RBBP8: variants seen among roughly 807,000 people sequenced by gnomAD.
The protein encoded by RBBP8 is DNA endonuclease RBBP8.
In RBBP8, 88 loss-of-function variants were observed where a neutral mutation model predicts 108.3. The observed-to-expected ratio is 0.81, with a 90% CI of 0.68 to 0.97. The LOEUF (loss-of-function observed/expected upper bound fraction) is 0.97, where lower values mean the gene tolerates loss of function less well. RBBP8 is among the 50% of genes least tolerant of loss of function. The pLI is 0.00. For synonymous variants in RBBP8, 332 were observed against 348.2 expected, an observed-to-expected ratio of 0.95 and a Z score of 0.52; for missense variants, 1,023 against 1,049.0, an observed-to-expected ratio of 0.98 and a Z score of 0.34.
At chr18:22,929,297 A>AT (rs1185613610), upstream of RBBP8, 5 of 152,168 alleles carry the variant, frequency 3.3e-5, no homozygotes, top group African/African-American at 1.2e-4. Flanking sequence ...TTTCTGATAG[A>AT]TTTTAAAGAA....
intron 16 of RBBP8, among the ~76,000 whole-genome samples, chr18:23,011,776 C>T (rs1338887671): frequency 1.3e-5 from 2 of 152,032 alleles, no homozygotes; most frequent in Admixed American, 6.6e-5. Context: ...TCATCATGAA[C>T]GATGCCCGTG....
intron 9 of RBBP8, among the ~76,000 whole-genome samples, chr18:22,989,585 C>G (rs1163959208): frequency 6.6e-6 from 1 of 150,454 alleles, no homozygotes; most frequent in Non-Finnish European, 1.5e-5. Context: ...CTTCCCTTCC[C>G]CCTCTCTCAT....
At chr18:22,918,420 T>G (rs538208136) in intron 3 of RBBP8, among the ~76,000 whole-genome samples, 91 of 152,346 alleles carry the variant, frequency 6.0e-4, no homozygotes, top group African/African-American at 2.2e-3. Context: ...GCTACTGTAC[T>G]GAATACTGTA....
At chr18:22,932,609 A>C (rs1345896299), upstream of RBBP8, among the ~76,000 whole-genome samples, 2 of 152,222 alleles carry the variant, frequency 1.3e-5, no homozygotes, top group Non-Finnish European at 2.9e-5. Context: ...ACACAAAAGT[A>C]CTGGACTGGT....
At chr18:22,974,842 A>T (rs546084607) in intron 5 of RBBP8, among the ~76,000 whole-genome samples, 3 of 152,186 alleles carry the variant, frequency 2.0e-5, no homozygotes, top group Non-Finnish European at 4.4e-5. Flanking sequence ...GAGTAACCAG[A>T]TGGAATGCTT....
Position 22,949,633 on chromosome 18 carries a change from A to G in RBBP8, c.168A>G (p.Leu56=). The change falls in exon 4 of 19, where the codon CTA becomes CTG. Residue 56 remains leucine (L), a synonymous_variant. Transcript: ENST00000327155. ...KQERILDAQR[L]EEFFTKNQQL... ...TGACCTTTAGAGATGCACAAAGACT[A>G]GAAGAATTCTTCACCAAAAATCAAC... is the stretch of plus-strand genomic sequence containing the variant. 1 of 1,611,146 alleles carries G rather than the reference A, an allele frequency of 6.2e-7. No individual in the cohort carries two copies. Among genetic ancestry groups the G allele is most frequent in the Non-Finnish European group, 8.5e-7 (1 of 1,177,670 alleles).
chr18:22,996,132 T>C (rs1305562687), intron 12 of RBBP8, among the ~76,000 whole-genome samples: 1 of 152,246 alleles, frequency 6.6e-6, no homozygotes, highest in Non-Finnish European at 1.5e-5. Context: ...CTTTCATGTT[T>C]ATTGGCAATT....
At chr18:22,931,226 G>A (rs1440722150), upstream of RBBP8, among the ~76,000 whole-genome samples, 1 of 152,208 alleles carries the variant, frequency 6.6e-6, no homozygotes, top group African/African-American at 2.4e-5. Flanking sequence ...GGGGCAAAGA[G>A]TGGGGGTAGG....
chr18:22,922,496 T>A (rs1391596547), intron 3 of RBBP8, among the ~76,000 whole-genome samples: 1 of 152,124 alleles, frequency 6.6e-6, no homozygotes, highest in African/African-American at 2.4e-5. Context: ...AGGGTCTCAC[T>A]CTGTCACCCA....
chr18:22,921,287 C>T (rs1909583563), intron 3 of RBBP8, among the ~76,000 whole-genome samples: 1 of 152,194 alleles, frequency 6.6e-6, no homozygotes, highest in African/African-American at 2.4e-5. Context: ...CCAGTATCTT[C>T]TTAGGAGCCA....
intron 15 of RBBP8, among the ~76,000 whole-genome samples, chr18:23,003,874 C>A (rs928687070): frequency 3.3e-5 from 5 of 151,674 alleles, no homozygotes; most frequent in African/African-American, 1.2e-4. Flanking sequence ...CTGGCTAACA[C>A]GCTGAAACCC....
In RBBP8 at chr18:22,992,954, G is replaced by T. The variant is rs773845992; in HGVS notation, c.1127G>T (p.Arg376Ile). The change falls in exon 11 of 19, where the codon AGA (arginine) becomes ATA (isoleucine). Residue 376 changes from arginine to isoleucine, a missense_variant. Physicochemically the swap from Arg to Ile is moderately conservative, Grantham distance 97. Coordinates refer to ENST00000327155, the MANE Select transcript of RBBP8 (RefSeq NM_002894.3). Reference protein sequence around the residue: ...NTCISRLEKTRSKSEDSALFT... With the variant: ...NTCISRLEKTISKSEDSALFT... ...TGTATATCTAGATTAGAAAAAACTAGATCAAAATCTGAAGATAGTGCCCTT... is the reference window on the plus strand; with the variant it reads ...TGTATATCTAGATTAGAAAAAACTATATCAAAATCTGAAGATAGTGCCCTT... 1.1e-5 allele frequency: 18 copies of T among 1,613,446 alleles called. No individual in the cohort carries two copies. The highest frequency in any genetic ancestry group is 1.4e-5 in the Non-Finnish European group (17 of 1,179,614).
Position 23,026,280 on chromosome 18 carries a change from C to T in RBBP8, c.*40C>T. The stretch of plus-strand genomic sequence containing the variant: ...ACAGAAGGATGAAGGACAGTTTTTT[C>T]CTTCTTAGTTATTTATAGTTAAAGT... On this transcript the variant is annotated 3_prime_UTR_variant, in exon 19 of 19. Transcript: ENST00000327155. 6.5e-7 allele frequency: 1 copy of T among 1,527,858 alleles called. No homozygotes were observed. Among genetic ancestry groups the T allele is most frequent in the Non-Finnish European group, 9.1e-7 (1 of 1,103,900 alleles). 94.6% of individuals were successfully genotyped at this position (1,527,858 alleles called of 1,614,324 possible).
chr18:22,925,527 A>G (rs1385173205), intron 3 of RBBP8, among the ~76,000 whole-genome samples: 4 of 152,246 alleles, frequency 2.6e-5, no homozygotes, highest in South Asian at 2.1e-4. Context: ...GTTTAAAGAT[A>G]TATCTGTAAT....
At chr18:22,963,518 T>C (rs1156676198) in intron 4 of RBBP8, among the ~76,000 whole-genome samples, 1 of 152,212 alleles carries the variant, frequency 6.6e-6, no homozygotes, top group Non-Finnish European at 1.5e-5. Flanking sequence ...TTAGATGGGT[T>C]GTATCTTCTG....
At chr18:22,933,841 T>C (rs1567942555) in intron 1 of RBBP8, 1 of 152,078 alleles carries the variant, frequency 6.6e-6, no homozygotes, top group African/African-American at 2.4e-5. Context: ...CGACTGCGGC[T>C]CGCGCGCGCG....
At position 23,001,495 on chromosome 18, in the gene RBBP8, G is replaced by T. The variant is rs1212280028; in HGVS notation, c.2144-91G>T. ...GAAGTGTCTTTAAGGACTGCATTCT[G>T]TTATTGTGTGGTAGTTACTACAGTT... On this transcript the variant is annotated intron_variant, in intron 14 of 18. Coordinates refer to ENST00000327155, the MANE Select transcript of RBBP8 (RefSeq NM_002894.3). The T allele has an allele frequency of 4.2e-6, 6 of 1,422,490 alleles. No individual in the cohort carries two copies. The African/African-American group carries it at 7.0e-5, about 17-fold the overall frequency. The allele number at this position is 1,422,490 out of a possible 1,614,324, so 88.1% of individuals were successfully genotyped here. A position where few individuals can be genotyped will look rare whatever the true frequency, so the allele number is the denominator to read the frequency against.
chr18:22,926,951 C>A (rs751881781), intron 3 of RBBP8, among the ~76,000 whole-genome samples: 3 of 152,260 alleles, frequency 2.0e-5, no homozygotes, highest in Non-Finnish European at 4.4e-5. Flanking sequence ...ACCATCAACT[C>A]AAATCATAAA....
chr18:23,002,313 GAGA>G lies in RBBP8; in HGVS notation c.2287+588_2287+590del, dbSNP rs561178120. ...GTCCCAGCTACTTGGGGGCTGGAGC[GAGA>G]AGATCGCTTGAACACCCAGGAGGTC... On this transcript the variant is annotated intron_variant, in intron 15 of 18. Transcript: ENST00000327155. Among the ~76,000 whole-genome samples the G allele has an allele frequency of 2.0e-3, 302 of 152,282 alleles. 1 individual carries two copies. The highest frequency in any genetic ancestry group is 3.7e-3 in the South Asian group (18 of 4,828).
Sources: allele counts gnomAD v4.1 joint callset (sites outside exome capture counted in the v4.1 genomes callset), GRCh38; gene constraint gnomAD v4.1.1; transcripts MANE v1.5; gene names NCBI Gene and HGNC (gene_info 2026-07-23, HGNC 2026-07-21).